The following PCDHA1 variants were observed in gnomAD, a reference collection of about 807,000 sequenced individuals.
PCDHA1 encodes protocadherin alpha 1.
In PCDHA1, 42 loss-of-function variants were observed where a neutral mutation model predicts 61.3. The observed-to-expected ratio is 0.69, with a 90% CI of 0.54 to 0.89. PCDHA1 has a LOEUF of 0.89. PCDHA1 is among the 40% of genes least tolerant of loss of function. The probability of loss-of-function intolerance (pLI) is 0.00; values close to 1 mark genes in which losing one functional copy is unlikely to be tolerated. For missense variants in PCDHA1, 1,256 were observed against 1,235.3 expected (o/e 1.02, Z -0.25); for synonymous variants, 610 against 553.8 (o/e 1.10, Z -1.43).
chr5:140,823,452 C>A, intron 1 of PCDHA1: 7 of 1,613,440 alleles, frequency 4.3e-6, no homozygotes, highest in Non-Finnish European at 5.9e-6. Flanking sequence ...ACGAGAACGA[C>A]AACGCGCCGG....
In PCDHA1 at chr5:140,857,556, T is replaced by C. The variant is rs781993692; in HGVS notation, c.2394+68872T>C. ...GAGCGGCGGTTGGGCGAGCGCTCGC[T>C]GTCGAGCTACGTGTCGGTGCACGCG... On this transcript the variant is annotated intron_variant, in intron 1 of 3. Coordinates refer to ENST00000504120, the MANE Select transcript of PCDHA1 (RefSeq NM_018900.4). 6 of 1,596,822 alleles carry C rather than the reference T, an allele frequency of 3.8e-6. No homozygotes were observed. In the Admixed American group the frequency reaches 1.0e-4, roughly 27 times the overall value.
chr5:140,863,264 C>T (rs1432032847), intron 1 of PCDHA1: 3 of 1,454,794 alleles, frequency 2.1e-6, no homozygotes, highest in Non-Finnish European at 1.9e-6. Context: ...GTCCGGGAGG[C>T]AGCGCTGGTG....
At chr5:140,904,818 G>A (rs1186696681) in intron 1 of PCDHA1, among the ~76,000 whole-genome samples, 1 of 152,070 alleles carries the variant, frequency 6.6e-6, no homozygotes, top group Non-Finnish European at 1.5e-5. Flanking sequence ...GTGATGTTGA[G>A]CATTTTTTTA....
intron 1 of PCDHA1, among the ~76,000 whole-genome samples, chr5:140,922,582 G>T (rs548638056): frequency 6.6e-5 from 10 of 152,160 alleles, no homozygotes; most frequent in Non-Finnish European, 1.5e-4. Flanking sequence ...CCCTGTAGCC[G>T]CCAGTTCTCA....
chr5:140,995,800 A>G (rs180764210), intron 3 of PCDHA1, among the ~76,000 whole-genome samples: 3 of 152,282 alleles, frequency 2.0e-5, no homozygotes, highest in Non-Finnish European at 2.9e-5. Context: ...GTCTCATGTT[A>G]GTTTCTGAAG....
intron 1 of PCDHA1, chr5:140,810,660 TTTTTC>T (rs1231337141): frequency 6.7e-5 from 9 of 133,380 alleles, no homozygotes; most frequent in African/African-American, 9.1e-5. Context: ...TAGTCTGTTG[TTTTTC>T]TTTTCTTTTT....
At chr5:140,835,823 G>A (rs2150245934) in intron 1 of PCDHA1, 1 of 1,612,580 alleles carries the variant, frequency 6.2e-7, no homozygotes, top group Admixed American at 1.7e-5. Flanking sequence ...TGTCGGCGGG[G>A]GACGCGGACG....
At chr5:140,823,959 G>C in intron 1 of PCDHA1, 1 of 1,614,072 alleles carries the variant, frequency 6.2e-7, no homozygotes, top group Non-Finnish European at 8.5e-7. Context: ...AGCCCACCGA[G>C]GCCGTGTGCA....
chr5:140,969,168 C>T (rs1554231530), intron 1 of PCDHA1: 2 of 1,614,088 alleles, frequency 1.2e-6, no homozygotes, highest in Non-Finnish European at 1.7e-6. Flanking sequence ...ACAGCAGGCT[C>T]AGGGAGTGAC....
chr5:140,904,955 G>A (rs1272284537), intron 1 of PCDHA1, among the ~76,000 whole-genome samples: 1 of 152,120 alleles, frequency 6.6e-6, no homozygotes, highest in Non-Finnish European at 1.5e-5. Context: ...TTTGTCTGAT[G>A]CAGAATTTGT....
intron 1 of PCDHA1, chr5:140,797,504 G>A (rs1762237747): frequency 4.5e-6 from 4 of 894,228 alleles, no homozygotes; most frequent in African/African-American, 1.7e-5. Context: ...TCAATTTATT[G>A]CATTTACTGA....
chr5:140,870,421 G>A (rs782065685), intron 1 of PCDHA1: 1 of 1,614,216 alleles, frequency 6.2e-7, no homozygotes, highest in Non-Finnish European at 8.5e-7. Flanking sequence ...CACGGCCAGG[G>A]TATCCGTGGA....
chr5:140,804,886 C>T, intron 1 of PCDHA1: 2 of 637,768 alleles, frequency 3.1e-6, no homozygotes, highest in South Asian at 5.7e-5. Flanking sequence ...TGACTCCTCT[C>T]CTTCCCCTCA....
rs369408845 is a variant in PCDHA1, at chr5:140,898,113, C to T, written c.2395-80836C>T. On this transcript the variant is annotated intron_variant, in intron 1 of 3. Coordinates refer to ENST00000504120, the MANE Select transcript of PCDHA1 (RefSeq NM_018900.4). ...AGCCCTTTGTCAGATGAGTAGGTTG[C>T]GAAAATTTTCTCCCATTTTGTAGGT... Among the ~76,000 whole-genome samples, 401 of 152,070 alleles carry T rather than the reference C, an allele frequency of 2.6e-3. 3 individuals carry two copies. Among genetic ancestry groups the T allele is most frequent in the Admixed American group, 0.01 (153 of 15,274 alleles).
rs1366864610 is a variant in PCDHA1 at position 141,006,125 on chromosome 5, G to A, written c.2543-3502G>A. ...AAGGAGTTTTTTTTTTTTTTCTCAA[G>A]GCAGTAGAAAGCTTAAGCAGAGGAG... On this transcript the variant is annotated intron_variant, in intron 3 of 3. Transcript: ENST00000504120. 4.7e-5 allele frequency among the ~76,000 whole-genome samples: 7 copies of A among 149,644 alleles called. No individual in the cohort carries two copies. The South Asian group carries it at 1.3e-3, about 27-fold the overall frequency.
At chr5:140,857,110 G>C in intron 1 of PCDHA1, 1 of 1,597,820 alleles carries the variant, frequency 6.3e-7, no homozygotes. Flanking sequence ...TCACTTCTCT[G>C]TCTCTCCCAG....
At chr5:140,802,061 T>TA (rs1762841677) in intron 1 of PCDHA1, 1 of 1,614,088 alleles carries the variant, frequency 6.2e-7, no homozygotes, top group African/African-American at 1.3e-5. Context: ...TGTCAGCAGA[T>TA]ATTCTGTCAA....
intron 1 of PCDHA1, among the ~76,000 whole-genome samples, chr5:140,911,992 A>T (rs904624481): frequency 6.6e-6 from 1 of 152,342 alleles, no homozygotes; most frequent in East Asian, 1.9e-4. Flanking sequence ...ACAAGGTCCC[A>T]CAATAGGCCA....
chr5:140,839,494 A>T (rs1776252585), intron 1 of PCDHA1, among the ~76,000 whole-genome samples: 1 of 151,886 alleles, frequency 6.6e-6, no homozygotes, highest in Non-Finnish European at 1.5e-5. Flanking sequence ...GGCTCAAGTG[A>T]TCTTCCTACC....
Sources: gnomAD v4.1 joint callset for allele counts (sites outside exome capture counted in the v4.1 genomes callset) on GRCh38, gnomAD v4.1.1 for gene constraint, MANE v1.5 for transcripts, NCBI Gene and HGNC (gene_info 2026-07-23, HGNC 2026-07-21) for gene names.